Variants in ZNF780B observed in about 807,000 individuals in gnomAD.
ZNF780B encodes the protein zinc finger protein 779.
A neutral mutation model predicts 74.1 loss-of-function variants in ZNF780B; 52 were observed. The ratio of observed to expected loss-of-function variants is 0.70; its 90% CI spans 0.56 to 0.88. The LOEUF (loss-of-function observed/expected upper bound fraction) is 0.88. Ranked by LOEUF, ZNF780B falls within the 40% of genes least tolerant of loss-of-function variation. The pLI, the probability that ZNF780B is intolerant of heterozygous loss-of-function variation, is 0.00. For synonymous variants in ZNF780B, 315 were observed against 324.3 expected (o/e 0.97, Z 0.31); for missense variants, 953 against 1,007.6 (o/e 0.95, Z 0.73).
At position 40,029,597 on chromosome 19, in the gene ZNF780B, AC is replaced by A. The variant is rs1971955115; in HGVS notation, c.*4759del. On this transcript the variant is annotated 3_prime_UTR_variant, in exon 5 of 5. Transcript: ENST00000434248. Reference sequence around the variant, plus strand: ...CTCTGAAACTATTAAAAGAATTCTAACAAAAGCAGCATCTTTTTTTCCATAC... The same window carrying A: ...CTCTGAAACTATTAAAAGAATTCTAAAAAAGCAGCATCTTTTTTTCCATAC... 1 of 154,052 alleles carries A rather than the reference AC, an allele frequency of 6.5e-6. No individual in the cohort carries two copies. Among genetic ancestry groups the A allele is most frequent in the African/African-American group, 2.4e-5 (1 of 41,512 alleles). The allele number at this position is 154,052 out of a possible 1,614,324, so 9.5% of individuals were successfully genotyped here.
rs779871265 is a variant in ZNF780B at position 40,036,486 on chromosome 19, T to C, written c.373A>G (p.Arg125Gly). 6.2e-6 allele frequency: 10 copies of C among 1,611,112 alleles called. No individual in the cohort carries two copies. The South Asian group carries it at 8.9e-5, about 14-fold the overall frequency. The change falls in exon 5 of 5, where the codon AGA becomes GGA. Residue 125 changes from arginine to glycine, a missense_variant. Physicochemically the swap from Arg to Gly is moderately radical, Grantham distance 125. Coordinates refer to ENST00000434248, the MANE Select transcript of ZNF780B (RefSeq NM_001005851.3). ...AFYFRNDSEY[R>G]SRFEGRQGHQ... is the part of the protein sequence containing the mutation. The stretch of plus-strand genomic sequence containing the variant: ...CCCTGTCGTCCCTCAAATCTACTTC[T>C]ATATTCTGAGTCATTTCTAAAATAA...
chr19:40,050,590 C>T (rs1478768549), intron 1 of ZNF780B, among the ~76,000 whole-genome samples: 1 of 152,242 alleles, frequency 6.6e-6, no homozygotes, highest in African/African-American at 2.4e-5. Flanking sequence ...CAAGCTCTCG[C>T]CTACATCCCA....
chr19:40,053,541 C>T (rs1973337225), intron 1 of ZNF780B, among the ~76,000 whole-genome samples: 1 of 152,126 alleles, frequency 6.6e-6, no homozygotes, highest in Admixed American at 6.6e-5. Context: ...CCATATGATC[C>T]AGCAATCTAC....
At chr19:40,049,516 C>T (rs1250988705) in intron 2 of ZNF780B, among the ~76,000 whole-genome samples, 1 of 152,140 alleles carries the variant, frequency 6.6e-6, no homozygotes, top group African/African-American at 2.4e-5. Flanking sequence ...TTACTGCCCA[C>T]TGTCCTCACT....
chr19:40,047,049 G>A (rs1972963356), intron 4 of ZNF780B, among the ~76,000 whole-genome samples: 1 of 152,068 alleles, frequency 6.6e-6, no homozygotes, highest in African/African-American at 2.4e-5. Flanking sequence ...GATCAGCTGG[G>A]GCAACATAGC....
At chr19:40,050,836 G>C (rs561531832) in intron 1 of ZNF780B, among the ~76,000 whole-genome samples, 33 of 152,360 alleles carry the variant, frequency 2.2e-4, no homozygotes, top group African/African-American at 7.0e-4. Context: ...CAAGGCATGA[G>C]AACTGGAAAG....
At chr19:40,037,114 A>C (rs1599767679) in intron 4 of ZNF780B, among the ~76,000 whole-genome samples, 1 of 151,788 alleles carries the variant, frequency 6.6e-6, no homozygotes, top group Non-Finnish European at 1.5e-5. Context: ...GAGGTTTCAC[A>C]ATGTTGGCCA....
intron 1 of ZNF780B, among the ~76,000 whole-genome samples, chr19:40,050,913 T>C (rs1219386265): frequency 6.6e-6 from 1 of 152,216 alleles, no homozygotes. Context: ...CTGGGGTAAG[T>C]ACAGTTCAGA....
At chr19:40,048,526 C>A (rs980829155) in intron 3 of ZNF780B, 144 bp downstream of exon 3, 40 of 1,370,144 alleles carry the variant, frequency 2.9e-5, no homozygotes, top group Non-Finnish European at 3.7e-5. Flanking sequence ...TGCCTGTTTT[C>A]AACCCAACAA....
chr19:40,035,795 T>C lies in ZNF780B; in HGVS notation c.1064A>G (p.His355Arg), dbSNP rs1395640049. The C allele has an allele frequency of 1.9e-6, 3 of 1,614,176 alleles. No homozygotes were observed. Among genetic ancestry groups the C allele is most frequent in the Admixed American group, 1.7e-5 (1 of 60,004 alleles). ...GCATTCAAAGGGCTTCTCACCCATA[T>C]GAATCTTCTGATGTCGAACAAGCTT... Reference protein sequence around the residue: ...LTKLVRHQKIHMGEKPFECRE... With the variant: ...LTKLVRHQKIRMGEKPFECRE... Residue 355 changes from histidine (H) to arginine (R), a missense_variant, in exon 5 of 5, where the codon CAT (histidine) becomes CGT (arginine). By Grantham distance (29) the His-to-Arg change is conservative. Coordinates refer to ENST00000434248, the MANE Select transcript of ZNF780B (RefSeq NM_001005851.3).
chr19:40,052,220 T>C (rs1973264057), intron 1 of ZNF780B, among the ~76,000 whole-genome samples: 1 of 152,140 alleles, frequency 6.6e-6, no homozygotes, highest in South Asian at 2.1e-4. Context: ...AATCCTTTGT[T>C]GGGGCTATAG....
Position 40,032,452 on chromosome 19 carries a change from C to T in ZNF780B, c.*1905G>A, listed in dbSNP as rs557665005. ...AATAGCTGTAGGCCAGGCATGCTGG[C>T]TCATGCCTGTAATCCCAGCACTTTG... On this transcript the variant is annotated 3_prime_UTR_variant, in exon 5 of 5. Coordinates refer to ENST00000434248, the MANE Select transcript of ZNF780B (RefSeq NM_001005851.3). 8 of 321,340 alleles carry T rather than the reference C, an allele frequency of 2.5e-5. No individual in the cohort carries two copies. The East Asian group carries it at 5.0e-4, about 20-fold the overall frequency. The allele number at this position is 321,340 out of a possible 1,614,324, so 19.9% of individuals were successfully genotyped here.
In ZNF780B at chr19:40,029,308, C is replaced by G. The variant is rs905313188; in HGVS notation, c.*5049G>C. The G allele has an allele frequency of 5.2e-5, 8 of 153,162 alleles. No homozygotes were observed. Among genetic ancestry groups the G allele is most frequent in the African/African-American group, 1.9e-4 (8 of 41,452 alleles). The allele number at this position is 153,162 out of a possible 1,614,324, so 9.5% of individuals were successfully genotyped here. ...AGTCTATGAACATTCAAGATAACAT[C>G]CATGACTGAATATTCTAAAACAAGT... On this transcript the variant is annotated 3_prime_UTR_variant, in exon 5 of 5. Transcript: ENST00000434248.
chr19:40,048,428 C>G (rs928128781), intron 3 of ZNF780B, among the ~76,000 whole-genome samples: 3 of 152,168 alleles, frequency 2.0e-5, no homozygotes, highest in Non-Finnish European at 4.4e-5. Flanking sequence ...GCCCCATGGT[C>G]ATGAAGAGAG....
chr19:40,050,509 G>T, intron 1 of ZNF780B, 132 bp from the exon 2 acceptor site: 1 of 916,540 alleles, frequency 1.1e-6, no homozygotes, highest in Non-Finnish European at 1.6e-6. Flanking sequence ...CCCTTCTCCC[G>T]TCACTCCCTT....
Position 40,034,473 on chromosome 19 carries a change from G to A in ZNF780B, c.2386C>T (p.Leu796Phe). Residue 796 changes from leucine (L) to phenylalanine (F), a missense_variant, in exon 5 of 5, where the codon CTT becomes TTT. Coordinates refer to ENST00000434248, the MANE Select transcript of ZNF780B (RefSeq NM_001005851.3). ...TGTACAAGTTTTTGATGCAGAGAAAGTTGTAGGTGAAGTCTAAAAGCCTTC... is the reference window on the plus strand; with the variant it reads ...TGTACAAGTTTTTGATGCAGAGAAAATTGTAGGTGAAGTCTAAAAGCCTTC... ...CGKAFRLHLQ[L>F]SLHQKLVQVR... The A allele has an allele frequency of 1.2e-6, 2 of 1,613,864 alleles. No homozygotes were observed. The highest frequency in any genetic ancestry group is 2.7e-5 in the African/African-American group (2 of 74,940).
intron 4 of ZNF780B, among the ~76,000 whole-genome samples, chr19:40,042,253 G>A (rs1032066866): frequency 4.6e-5 from 7 of 152,204 alleles, no homozygotes; most frequent in African/African-American, 1.7e-4. Context: ...GGCTTGTAGA[G>A]TTTCTGCCAA....
chr19:40,050,032 C>T (rs1894506908), intron 2 of ZNF780B, among the ~76,000 whole-genome samples: 1 of 151,592 alleles, frequency 6.6e-6, no homozygotes, highest in Non-Finnish European at 1.5e-5. Context: ...CCCATCTCTA[C>T]CAAAAATACA....
chr19:40,049,228 T>C (rs1192904461), intron 2 of ZNF780B, among the ~76,000 whole-genome samples: 2 of 89,662 alleles, frequency 2.2e-5, no homozygotes, highest in African/African-American at 1.2e-4. Flanking sequence ...AGTGAGACCC[T>C]ATCTCAAAAA....
Sources: allele counts gnomAD v4.1 joint callset (sites outside exome capture counted in the v4.1 genomes callset), GRCh38; gene constraint gnomAD v4.1.1; transcripts MANE v1.5; gene names NCBI Gene and HGNC (gene_info 2026-07-23, HGNC 2026-07-21).